CCDC73: variants seen among roughly 807,000 people sequenced by gnomAD.
CCDC73 encodes the protein coiled-coil domain-containing protein 73.
A neutral mutation model predicts 116.5 loss-of-function variants in CCDC73; 95 were observed. The observed-to-expected ratio is 0.82, with a 90% CI of 0.69 to 0.97. The LOEUF is 0.97. CCDC73 is among the 50% of genes least tolerant of loss of function. The pLI is 0.00. For missense variants in CCDC73, 1,066 were observed against 1,206.8 expected (o/e 0.88, Z 1.73); for synonymous variants, 398 against 401.3 (o/e 0.99, Z 0.10).
chr11:32,821,644 G>T, the CCDC73 span, among the ~76,000 whole-genome samples: 1 of 152,102 alleles, frequency 6.6e-6, no homozygotes, highest in Admixed American at 6.6e-5. Flanking sequence ...GACTGAAAGA[G>T]AACAAAAGAA....
In CCDC73 at chr11:32,702,867, A is replaced by G. The variant is rs531042810; in HGVS notation, c.279+6T>C. 3.0e-5 allele frequency: 48 copies of G among 1,592,756 alleles called. No individual in the cohort carries two copies. The East Asian group carries it at 1.1e-3, about 35-fold the overall frequency. On this transcript the variant is annotated splice_donor_region_variant and intron_variant, in intron 4 of 17. Coordinates refer to ENST00000335185, the MANE Select transcript of CCDC73 (RefSeq NM_001008391.4). ...TGGTAGTGTTTGTCTATCCTTATGAAATTACCTGCTTTTTAAAAACTGCCA... is the reference window on the plus strand; with the variant it reads ...TGGTAGTGTTTGTCTATCCTTATGAGATTACCTGCTTTTTAAAAACTGCCA...
Position 32,749,370 on chromosome 11 carries a change from CTT to C in CCDC73, c.135+10737_135+10738del, listed in dbSNP as rs1177158525. Among the ~76,000 whole-genome samples, 6 of 151,972 alleles carry C rather than the reference CTT, an allele frequency of 3.9e-5. No individual in the cohort carries two copies. The South Asian group carries it at 1.2e-3, about 32-fold the overall frequency. ...TCAATTCCAGAATTTCTGCTTGACT[CTT>C]TTTTAATTATTTCAATCTCTTTATT... On this transcript the variant is annotated intron_variant, in intron 2 of 17. Transcript: ENST00000335185.
intron 1 of CCDC73, among the ~76,000 whole-genome samples, chr11:32,782,600 C>T (rs1343733113): frequency 6.6e-6 from 1 of 151,988 alleles, no homozygotes; most frequent in Non-Finnish European, 1.5e-5. Flanking sequence ...ATTTAAAAGA[C>T]AAAGATTAAA....
the CCDC73 span, among the ~76,000 whole-genome samples, chr11:32,802,196 C>G: frequency 2.6e-5 from 4 of 152,182 alleles, no homozygotes; most frequent in Non-Finnish European, 5.9e-5. Context: ...GCTGCACTAA[C>G]ATTTATAGTT....
At chr11:32,742,889 C>A (rs1265778348) in intron 2 of CCDC73, among the ~76,000 whole-genome samples, 1 of 152,138 alleles carries the variant, frequency 6.6e-6, no homozygotes, top group East Asian at 1.9e-4. Flanking sequence ...GCCAGTTTTC[C>A]CAACACTATT....
chr11:32,725,562 A>G (rs1467469088), intron 2 of CCDC73, among the ~76,000 whole-genome samples: 2 of 152,164 alleles, frequency 1.3e-5, no homozygotes. Context: ...AACCCTTTAC[A>G]ATATAGCTCA....
Position 32,609,708 on chromosome 11 carries a change from A to T in CCDC73, c.3030+1424T>A, listed in dbSNP as rs553811209. ...TAAAGACATACCCAAGACTGGGAAG[A>T]AAAACAGGTTTAATGGATTTACAGT... On this transcript the variant is annotated intron_variant, in intron 17 of 17. Transcript: ENST00000335185. Among the ~76,000 whole-genome samples the T allele has an allele frequency of 3.3e-5, 5 of 152,338 alleles. No homozygotes were observed. The South Asian group carries it at 1.0e-3, about 32-fold the overall frequency.
chr11:32,741,406 C>T (rs1005025631), intron 2 of CCDC73, among the ~76,000 whole-genome samples: 3 of 152,136 alleles, frequency 2.0e-5, no homozygotes, highest in African/African-American at 7.2e-5. Flanking sequence ...GACTTGACCC[C>T]TTTATCATTA....
chr11:32,827,795 A>G, the CCDC73 span, among the ~76,000 whole-genome samples: 1 of 152,228 alleles, frequency 6.6e-6, no homozygotes, highest in African/African-American at 2.4e-5. Flanking sequence ...TCTCAGTCAG[A>G]TTAAGTTCTC....
chr11:32,716,924 T>C (rs1038080564), intron 3 of CCDC73, among the ~76,000 whole-genome samples: 4 of 152,232 alleles, frequency 2.6e-5, no homozygotes, highest in African/African-American at 9.6e-5. Context: ...GTTAGCTCTA[T>C]GCAAAAACAA....
chr11:32,743,864 T>C (rs560907186), intron 2 of CCDC73, among the ~76,000 whole-genome samples: 1 of 152,318 alleles, frequency 6.6e-6, no homozygotes, highest in South Asian at 2.1e-4. Flanking sequence ...CAGAGACAAT[T>C]TGACTTCCTC....
chr11:32,635,651 T>G (rs61889415), intron 14 of CCDC73, 45 bp downstream of exon 14: 76,866 of 1,234,740 alleles, frequency 0.062, 2,830 homozygotes, highest in Non-Finnish European at 0.069. Flanking sequence ...GTGACAGTCT[T>G]AATTTCTTTG....
At chr11:32,727,508 C>T (rs1485500726) in intron 2 of CCDC73, among the ~76,000 whole-genome samples, 1 of 152,150 alleles carries the variant, frequency 6.6e-6, no homozygotes, top group Non-Finnish European at 1.5e-5. Context: ...ATGTAACTAC[C>T]TTGTTTCTCC....
the CCDC73 span, among the ~76,000 whole-genome samples, chr11:32,811,086 A>AC: frequency 6.6e-6 from 1 of 151,576 alleles, no homozygotes; most frequent in Non-Finnish European, 1.5e-5. Flanking sequence ...ACAAAAAAAA[A>AC]AAACCTCTTC....
the CCDC73 span, among the ~76,000 whole-genome samples, chr11:32,801,363 C>G: frequency 6.6e-6 from 1 of 152,186 alleles, no homozygotes; most frequent in Non-Finnish European, 1.5e-5. Flanking sequence ...TCCTAACTGG[C>G]TGGGCGCAGT....
At chr11:32,749,337 T>A (rs2133365714) in intron 2 of CCDC73, among the ~76,000 whole-genome samples, 1 of 152,144 alleles carries the variant, frequency 6.6e-6, no homozygotes, top group East Asian at 1.9e-4. Context: ...GTATGTCAAT[T>A]GCATTTTTCA....
intron 14 of CCDC73, among the ~76,000 whole-genome samples, chr11:32,627,146 A>C (rs1030932456): frequency 1.9e-4 from 29 of 152,338 alleles, no homozygotes; most frequent in African/African-American, 6.5e-4. Context: ...AACCCCATCA[A>C]CAAGTGGGCG....
the CCDC73 span, among the ~76,000 whole-genome samples, chr11:32,810,603 TGAG>T: frequency 0.1 from 15,593 of 152,174 alleles, 831 homozygotes; most frequent in Non-Finnish European, 0.13. Flanking sequence ...TTCTATGCCC[TGAG>T]GAGTAGAAAC....
chr11:32,700,829 G>A lies in CCDC73; in HGVS notation c.280-3C>T, dbSNP rs1789518160. On this transcript the variant is annotated splice_polypyrimidine_tract_variant and splice_region_variant and intron_variant, in intron 4 of 17. Coordinates refer to ENST00000335185, the MANE Select transcript of CCDC73 (RefSeq NM_001008391.4). ...AGGGCACACATCTTCATCTGCAACT[G>A]ATAAACAATTTTAAAAATTAAAATA... 1 of 1,436,148 alleles carries A rather than the reference G, an allele frequency of 7.0e-7. No homozygotes were observed. 89.0% of individuals were successfully genotyped at this position (1,436,148 alleles called of 1,614,324 possible).
Sources: gnomAD v4.1 joint callset for allele counts (sites outside exome capture counted in the v4.1 genomes callset) on GRCh38, gnomAD v4.1.1 for gene constraint, MANE v1.5 for transcripts, NCBI Gene and HGNC (gene_info 2026-07-23, HGNC 2026-07-21) for gene names.